PYGB: variants seen among roughly 807,000 people sequenced by gnomAD.
PYGB encodes glycogen phosphorylase B, also known as glycogen phosphorylase, brain form.
In PYGB, 82 loss-of-function variants were observed where a neutral mutation model predicts 94.3. That is an observed-to-expected ratio of 0.87 (90% CI 0.73 to 1.04). PYGB has a LOEUF of 1.04. PYGB is among the 50% of genes least tolerant of loss of function. The pLI is 0.00. For synonymous variants in PYGB, 488 were observed against 479.1 expected (o/e 1.02, Z -0.24); for missense variants, 1,132 against 1,158.2 (o/e 0.98, Z 0.33).
chr20:25,278,379 C>T lies in PYGB; in HGVS notation c.916C>T (p.Gln306Ter). The T allele has an allele frequency of 6.2e-7, 1 of 1,603,784 alleles. No homozygotes were observed. Among genetic ancestry groups the T allele is most frequent in the Non-Finnish European group, 8.5e-7 (1 of 1,176,770 alleles). Residue 306 changes from glutamine (Q) to a stop codon, truncating the protein, a stop_gained, in exon 8 of 20, where the codon CAG becomes TAG. Transcript: ENST00000216962. LOFTEE classifies it high-confidence loss of function. Reference sequence around the variant, plus strand: ...GTACTTCGTGGTGGCCGCCACGCTCCAGGACATCATCCGCCGCTTCAAGTC... The same window carrying T: ...GTACTTCGTGGTGGCCGCCACGCTCTAGGACATCATCCGCCGCTTCAAGTC... The part of the protein sequence containing the change: ...QEYFVVAATL[Q>*]DIIRRFKSSK...
intron 3 of PYGB, among the ~76,000 whole-genome samples, chr20:25,271,163 C>T (rs1001876895): frequency 6.6e-6 from 1 of 152,106 alleles, no homozygotes; most frequent in Non-Finnish European, 1.5e-5. Context: ...TTCATCCCCC[C>T]CCATCCTCCC....
intron 9 of PYGB, among the ~76,000 whole-genome samples, chr20:25,279,862 C>A (rs1419178116): frequency 2.0e-5 from 3 of 152,190 alleles, no homozygotes; most frequent in African/African-American, 2.4e-5. Flanking sequence ...CAGTTCTGGC[C>A]AGCATAGGGC....
chr20:25,283,278 G>A lies in PYGB; in HGVS notation c.1620+1G>A. 6.2e-7 allele frequency: 1 copy of A among 1,612,392 alleles called. No individual in the cohort carries two copies. Among genetic ancestry groups the A allele is most frequent in the Non-Finnish European group, 8.5e-7 (1 of 1,178,944 alleles). On this transcript the variant is annotated splice_donor_variant, in intron 13 of 19. Transcript: ENST00000216962. LOFTEE classifies it high-confidence loss of function. ...CAGGGACGTGGCCAAGGTCAAACAG[G>A]TAGGCATGGCCCTGGCCCCAGCCCC...
chr20:25,290,393 C>T (rs937743742), intron 15 of PYGB, 88 bp from the exon 16 acceptor site: 3 of 1,509,458 alleles, frequency 2.0e-6, no homozygotes, highest in African/African-American at 2.7e-5. Flanking sequence ...TCTAGCCTCA[C>T]CCCCCTACAG....
intron 1 of PYGB, among the ~76,000 whole-genome samples, chr20:25,255,739 T>C (rs1213977408): frequency 7.4e-6 from 1 of 135,128 alleles, no homozygotes; most frequent in African/African-American, 3.8e-5. Flanking sequence ...CCCAACTCTT[T>C]TTTTTTTTTT....
intron 17 of PYGB, chr20:25,293,865 A>G (rs960813100): frequency 2.2e-6 from 1 of 445,148 alleles, no homozygotes; most frequent in African/African-American, 2.0e-5. Context: ...CTCCACTAGG[A>G]ATGTGGCATC....
intron 2 of PYGB, 90 bp downstream of exon 2, chr20:25,259,428 T>A: frequency 2.0e-6 from 2 of 994,866 alleles, no homozygotes; most frequent in Non-Finnish European, 3.1e-6. Flanking sequence ...GCCCTGATGT[T>A]AAGACTAGCA....
intron 19 of PYGB, among the ~76,000 whole-genome samples, chr20:25,295,910 A>G (rs2088535430): frequency 6.6e-6 from 1 of 152,190 alleles, no homozygotes; most frequent in Non-Finnish European, 1.5e-5. Context: ...CGGCCTGGAA[A>G]CTGAGTGACG....
intron 1 of PYGB, among the ~76,000 whole-genome samples, chr20:25,258,044 C>G (rs148136138): frequency 6.6e-6 from 1 of 151,956 alleles, no homozygotes; most frequent in Non-Finnish European, 1.5e-5. Flanking sequence ...ATTCCTGTGA[C>G]GTAAAGGACT....
At chr20:25,264,440 G>A (rs895839663) in intron 2 of PYGB, among the ~76,000 whole-genome samples, 8 of 152,172 alleles carry the variant, frequency 5.3e-5, no homozygotes, top group African/African-American at 1.9e-4. Flanking sequence ...TCAGGCAGGA[G>A]AAAGAAATAA....
intron 8 of PYGB, 66 bp downstream of exon 8, chr20:25,278,528 C>T: frequency 6.3e-7 from 1 of 1,584,878 alleles, no homozygotes; most frequent in Non-Finnish European, 8.6e-7. Context: ...CTTGAGGTTG[C>T]TTTCTCATGT....
At chr20:25,277,809 A>G (rs959554541) in intron 7 of PYGB, among the ~76,000 whole-genome samples, 2 of 152,224 alleles carry the variant, frequency 1.3e-5, no homozygotes, top group East Asian at 3.8e-4. Flanking sequence ...TGTCGCAGCC[A>G]TGTTCCCCAC....
chr20:25,294,416 C>A, intron 18 of PYGB, 124 bp downstream of exon 18: 1 of 1,262,620 alleles, frequency 7.9e-7, no homozygotes, highest in Non-Finnish European at 1.1e-6. Flanking sequence ...GTCTTCTCCA[C>A]TGTGCCCATG....
intron 2 of PYGB, among the ~76,000 whole-genome samples, chr20:25,263,070 T>C (rs2092917264): frequency 6.6e-6 from 1 of 152,024 alleles, no homozygotes; most frequent in Non-Finnish European, 1.5e-5. Context: ...GACAGAAAGT[T>C]AACAAGGATA....
rs112730985 is a variant in PYGB at position 25,282,112 on chromosome 20, C to T, written c.1483C>T (p.Leu495=). ...CATCACCCCCCGCCGGTGGCTGCTG[C>T]TGTGCAACCCGGGGCTGGCCGATAC... The part of the protein sequence containing the change: ...NGITPRRWLL[L]CNPGLADTIV... Residue 495 remains leucine (L), a synonymous_variant, in exon 12 of 20, where the codon CTG becomes TTG. Coordinates refer to ENST00000216962, the MANE Select transcript of PYGB (RefSeq NM_002862.4). The T allele has an allele frequency of 6.2e-7, 1 of 1,613,568 alleles. No homozygotes were observed. The highest frequency in any genetic ancestry group is 8.5e-7 in the Non-Finnish European group (1 of 1,179,870).
rs112403646 is a variant in PYGB, at chr20:25,293,471, T to C, written c.2178-687T>C. 6.9e-3 allele frequency among the ~76,000 whole-genome samples: 1,056 copies of C among 152,284 alleles called. 5 individuals are homozygous for C. Among genetic ancestry groups the C allele is most frequent in the Middle Eastern group, 0.02 (6 of 294 alleles). ...CCAGCACGGGCCTGATTCCAAGCGA[T>C]AATTACAAAGAAAAGGCAGTGTTGC... is the stretch of plus-strand genomic sequence containing the variant. On this transcript the variant is annotated intron_variant, in intron 17 of 19. Transcript: ENST00000216962.
At chr20:25,277,119 T>G in intron 6 of PYGB, 125 bp from the exon 7 acceptor site, 1 of 720,472 alleles carries the variant, frequency 1.4e-6, no homozygotes, top group East Asian at 2.6e-5. Flanking sequence ...GGGGAAGTAA[T>G]GCAGCGGCTG....
intron 2 of PYGB, among the ~76,000 whole-genome samples, chr20:25,261,750 G>C (rs2092914156): frequency 6.6e-6 from 1 of 152,188 alleles, no homozygotes; most frequent in Non-Finnish European, 1.5e-5. Context: ...TAGACGAATG[G>C]CTAACTAGAA....
intron 1 of PYGB, among the ~76,000 whole-genome samples, chr20:25,256,069 GTTCT>G (rs1215970725): frequency 2.0e-5 from 3 of 152,282 alleles, no homozygotes; most frequent in African/African-American, 7.2e-5. Flanking sequence ...TGTTGGGAAA[GTTCT>G]TTCTTTTTCC....
Sources: allele counts gnomAD v4.1 joint callset (sites outside exome capture counted in the v4.1 genomes callset), GRCh38; gene constraint gnomAD v4.1.1; transcripts MANE v1.5; gene names NCBI Gene and HGNC (gene_info 2026-07-23, HGNC 2026-07-21).